The following KALRN variants were observed in gnomAD, a reference collection of about 807,000 sequenced individuals.
KALRN encodes the protein kalirin.
KALRN carries 70 observed loss-of-function variants against 353.7 expected under a neutral mutation model. The observed-to-expected ratio is 0.20, with a 90% CI of 0.16 to 0.24. The LOEUF (loss-of-function observed/expected upper bound fraction) is 0.24. KALRN is among the 10% of genes least tolerant of loss of function. The pLI is 1.00. For missense variants in KALRN, 2,791 were observed against 3,756.7 expected, an observed-to-expected ratio of 0.74 and a Z score of 6.72; for synonymous variants, 1,391 against 1,434.8, an observed-to-expected ratio of 0.97 and a Z score of 0.69.
chr3:124,472,602 TG>T (rs1481740387), intron 25 of KALRN, among the ~76,000 whole-genome samples: 20 of 150,258 alleles, frequency 1.3e-4, no homozygotes, highest in African/African-American at 3.5e-4. Context: ...TGTGTGTGTG[TG>T]TGTACCTGTG....
At chr3:124,085,333 T>C (rs2060755860) in intron 1 of KALRN, among the ~76,000 whole-genome samples, 1 of 152,178 alleles carries the variant, frequency 6.6e-6, no homozygotes. Flanking sequence ...AGATGAAACA[T>C]AGTTTCCATT....
At chr3:124,345,278 G>A (rs564052800) in intron 9 of KALRN, among the ~76,000 whole-genome samples, 121 of 152,178 alleles carry the variant, frequency 8.0e-4, no homozygotes, top group Admixed American at 1.6e-3. Context: ...ACTATACTTC[G>A]CACCTAATAT....
In KALRN at chr3:124,439,192, T is replaced by TCACA. The variant is rs1247427267; in HGVS notation, c.3198+156_3198+157insACAC. 3.4e-4 allele frequency among the ~76,000 whole-genome samples: 22 copies of TCACA among 64,958 alleles called. 1 individual carries two copies. The highest frequency in any genetic ancestry group is 1.4e-3 in the African/African-American group (22 of 15,778). 42.6% of individuals were successfully genotyped at this position (64,958 alleles called of 152,430 possible). Reference sequence around the variant, plus strand: ...CCTCCTCCTCCTTCTTCTCCTTCTCTCTCTCTCTCACACACACACACACAC... The same window carrying TCACA: ...CCTCCTCCTCCTTCTTCTCCTTCTCTCACACTCTCTCTCACACACACACACACAC... On this transcript the variant is annotated intron_variant, in intron 18 of 59. Coordinates refer to ENST00000682506, the MANE Select transcript of KALRN (RefSeq NM_001388419.1).
intron 1 of KALRN, among the ~76,000 whole-genome samples, chr3:124,066,109 T>C (rs1291591128): frequency 4.6e-5 from 7 of 152,158 alleles, no homozygotes; most frequent in African/African-American, 1.7e-4. Flanking sequence ...AGAAGAGATA[T>C]TGAGTCATCA....
intron 14 of KALRN, among the ~76,000 whole-genome samples, chr3:124,418,162 T>TA (rs2092605311): frequency 6.6e-6 from 1 of 151,850 alleles, no homozygotes; most frequent in South Asian, 2.1e-4. Flanking sequence ...TTTTTATTTT[T>TA]TTTTCAAAAT....
intron 10 of KALRN, among the ~76,000 whole-genome samples, chr3:124,361,787 G>A (rs2084063474): frequency 6.8e-6 from 1 of 147,996 alleles, no homozygotes; most frequent in Non-Finnish European, 1.5e-5. Flanking sequence ...CTGGGGTGGG[G>A]AGTAGTGATG....
Position 124,657,829 on chromosome 3 carries a change from C to T in KALRN, c.6036+26C>T, listed in dbSNP as rs1004840. 0.014 allele frequency: 20,988 copies of T among 1,469,536 alleles called. 2,269 individuals are homozygous for T. The African/African-American group carries it at 0.25, about 17-fold the overall frequency. 91.0% of individuals were successfully genotyped at this position (1,469,536 alleles called of 1,614,324 possible). On this transcript the variant is annotated intron_variant, in intron 41 of 59. Transcript: ENST00000682506. ...GTGAGTGTCTCCCATCACCTCCTCC[C>T]CAACTCCTTCACTAGGCTCATTTAT...
At chr3:124,068,799 C>A (rs1309907203) in intron 1 of KALRN, among the ~76,000 whole-genome samples, 11 of 152,054 alleles carry the variant, frequency 7.2e-5, no homozygotes, top group Admixed American at 3.9e-4. Flanking sequence ...TATCATGGAG[C>A]TTGGAGGAGT....
In KALRN at chr3:124,496,002, TATATATATATACAC is replaced by T. The variant is rs1159577514; in HGVS notation, c.4833-307_4833-294del. ...ATATATATATATATATATATATATA[TATATATATATACAC>T]ACACATATATACATACATACACCCC... On this transcript the variant is annotated intron_variant, in intron 32 of 59. Transcript: ENST00000682506. Among the ~76,000 whole-genome samples, 59 of 45,304 alleles carry T rather than the reference TATATATATATACAC, an allele frequency of 1.3e-3. 8 individuals carry two copies. Among genetic ancestry groups the T allele is most frequent in the Non-Finnish European group, 7.3e-4 (19 of 26,192 alleles). The allele number at this position is 45,304 out of a possible 152,430, so 29.7% of individuals were successfully genotyped here.
chr3:124,321,622 C>G (rs2149374343), intron 6 of KALRN, among the ~76,000 whole-genome samples: 2 of 152,262 alleles, frequency 1.3e-5, no homozygotes, highest in Non-Finnish European at 2.9e-5. Flanking sequence ...AGAAGGGGCT[C>G]TCCATCCTGT....
intron 14 of KALRN, among the ~76,000 whole-genome samples, chr3:124,416,669 A>C (rs1221277866): frequency 1.3e-5 from 2 of 152,244 alleles, no homozygotes; most frequent in Non-Finnish European, 2.9e-5. Flanking sequence ...GTAGATTCAC[A>C]GCAGAGCTGG....
At chr3:124,122,753 G>A (rs2064174909) in intron 1 of KALRN, among the ~76,000 whole-genome samples, 1 of 151,994 alleles carries the variant, frequency 6.6e-6, no homozygotes, top group Non-Finnish European at 1.5e-5. Context: ...CTCTTCTCAG[G>A]CCTCTTTATT....
intron 34 of KALRN, among the ~76,000 whole-genome samples, chr3:124,578,766 TA>T (rs10526930): frequency 0.026 from 3,814 of 144,426 alleles, 165 homozygotes; most frequent in African/African-American, 0.086. Flanking sequence ...AAACTCCATT[TA>T]AAAAAAAAAA....
At chr3:124,574,193 G>C (rs2073855729) in intron 34 of KALRN, among the ~76,000 whole-genome samples, 1 of 152,184 alleles carries the variant, frequency 6.6e-6, no homozygotes, top group African/African-American at 2.4e-5. Context: ...TAGAATCAAA[G>C]CCTCAAATAG....
intron 24 of KALRN, 87 bp from the exon 25 acceptor site, chr3:124,462,437 C>A: frequency 1.4e-6 from 1 of 734,940 alleles, no homozygotes; most frequent in Non-Finnish European, 2.4e-6. Context: ...TGAGTCTTGC[C>A]CCACAAGTTT....
intron 34 of KALRN, among the ~76,000 whole-genome samples, chr3:124,628,199 TC>T (rs376436799): frequency 0.17 from 4,729 of 27,888 alleles, 517 homozygotes; most frequent in African/African-American, 0.35. Context: ...ATTCCCTCCC[TC>T]CCCCCCTCCT....
At chr3:124,037,658 G>A (rs1488607635) in intron 1 of KALRN, among the ~76,000 whole-genome samples, 2 of 152,128 alleles carry the variant, frequency 1.3e-5, no homozygotes, top group Admixed American at 6.5e-5. Context: ...GTGAGGGGGA[G>A]GAGCTTTGGT....
In KALRN at chr3:124,642,808, T is replaced by TTTTTTGTTGTTGTTG. The variant is rs1559749886; in HGVS notation, c.5664+5510_5664+5511insGTTGTTGTTGTTTTT. ...TGTGGAAGAGATTCCCAAGCCTCGT[T>TTTTTTGTTGTTGTTG]TTTTTTTTTTTTTTTTTTGAGACGG... On this transcript the variant is annotated intron_variant, in intron 37 of 59. Coordinates refer to ENST00000682506, the MANE Select transcript of KALRN (RefSeq NM_001388419.1). Among the ~76,000 whole-genome samples, 27 of 126,846 alleles carry TTTTTTGTTGTTGTTG rather than the reference T, an allele frequency of 2.1e-4. 1 individual carries two copies. The highest frequency in any genetic ancestry group is 5.0e-4 in the South Asian group (2 of 4,004). 83.2% of individuals were successfully genotyped at this position (126,846 alleles called of 152,430 possible).
chr3:124,539,922 T>TGG (rs35035103), intron 33 of KALRN, among the ~76,000 whole-genome samples: 15,723 of 131,502 alleles, frequency 0.12, 977 homozygotes, highest in Non-Finnish European at 0.15. Context: ...TAATTTTTTT[T>TGG]GGGGGGGGGG....
Sources: gnomAD v4.1 joint callset for allele counts (sites outside exome capture counted in the v4.1 genomes callset) on GRCh38, gnomAD v4.1.1 for gene constraint, MANE v1.5 for transcripts, NCBI Gene and HGNC (gene_info 2026-07-23, HGNC 2026-07-21) for gene names.